Variants in CALN1 observed in about 807,000 individuals in gnomAD.
CALN1 encodes the protein calneuron 1.
In CALN1, 17 loss-of-function variants were observed where a neutral mutation model predicts 30.6. The observed-to-expected ratio is 0.56, with a 90% confidence interval of 0.38 to 0.83. CALN1 has a LOEUF of 0.83. Ranked by LOEUF, CALN1 falls within the 40% of genes least tolerant of loss-of-function variation. The pLI, the probability that CALN1 is intolerant of heterozygous loss-of-function variation, is 0.00. For synonymous variants in CALN1, 156 were observed against 131.4 expected (o/e 1.19, Z -1.28); for missense variants, 291 against 354.9 (o/e 0.82, Z 1.45).
chr7:72,277,485 A>C (rs917956745), intron 3 of CALN1, among the ~76,000 whole-genome samples: 2 of 152,158 alleles, frequency 1.3e-5, no homozygotes, highest in Admixed American at 6.5e-5. Context: ...ATCCCTAGGA[A>C]TCTTGATTCT....
At chr7:71,846,862 G>GTATGTATATATAATATATACACACATA (rs71092923) in intron 5 of CALN1, among the ~76,000 whole-genome samples, 4,401 of 141,116 alleles carry the variant, frequency 0.031, 106 homozygotes, top group Non-Finnish European at 0.054. Flanking sequence ...ATGTATATAT[G>GTATGTATATATAATATATACACACATA]TATGTATATA....
At chr7:72,281,202 C>T (rs917068884) in intron 2 of CALN1, among the ~76,000 whole-genome samples, 1 of 152,014 alleles carries the variant, frequency 6.6e-6, no homozygotes, top group African/African-American at 2.4e-5. Flanking sequence ...CTCTAACACT[C>T]ATGCTCTCTT....
intron 2 of CALN1, among the ~76,000 whole-genome samples, chr7:72,390,350 GA>G (rs1206527054): frequency 6.6e-6 from 1 of 152,092 alleles, no homozygotes; most frequent in Non-Finnish European, 1.5e-5. Context: ...AGAATCACTT[GA>G]ACCTGGGAGG....
intron 5 of CALN1, among the ~76,000 whole-genome samples, chr7:71,933,654 G>A (rs911342059): frequency 6.6e-6 from 1 of 152,114 alleles, no homozygotes; most frequent in Non-Finnish European, 1.5e-5. Flanking sequence ...TGAATCCTTG[G>A]TGCCAGGCAG....
intron 2 of CALN1, among the ~76,000 whole-genome samples, chr7:72,280,077 C>CT (rs1797631423): frequency 6.6e-6 from 1 of 152,206 alleles, no homozygotes; most frequent in Non-Finnish European, 1.5e-5. Context: ...TTCCATTAAG[C>CT]AGACCCAGCT....
chr7:72,437,658 T>TTTTC lies in CALN1; in HGVS notation c.-226+9380_-226+9383dup, dbSNP rs10653402. 5.8e-3 allele frequency among the ~76,000 whole-genome samples: 821 copies of TTTTC among 140,916 alleles called. 8 individuals are homozygous for TTTTC. Among genetic ancestry groups the TTTTC allele is most frequent in the African/African-American group, 0.019 (693 of 37,304 alleles). 92.4% of individuals were successfully genotyped at this position (140,916 alleles called of 152,430 possible). A position where few individuals can be genotyped will look rare whatever the true frequency, so the allele number is the denominator to read the frequency against. ...TTCTTTCTCTTTCTCTCTTTCTTTC[T>TTTTC]TTTCTTTCTTTCTTTCCTTTTTTCT... On this transcript the variant is annotated intron_variant, in intron 1 of 6. Transcript: ENST00000395276.
rs533503412 is a variant in CALN1, at chr7:72,419,547, A to C, written c.-225-7272T>G. Among the ~76,000 whole-genome samples, 7 of 152,182 alleles carry C rather than the reference A, an allele frequency of 4.6e-5. No homozygotes were observed. The East Asian group carries it at 1.4e-3, about 30-fold the overall frequency. The stretch of plus-strand genomic sequence containing the variant: ...GTGTCCCAGAAACCCCACTTCTCCC[A>C]GTTGGCCTTAGAGTCATCCTGATAT... On this transcript the variant is annotated intron_variant, in intron 1 of 6. Transcript: ENST00000395276.
the CALN1 span, among the ~76,000 whole-genome samples, chr7:72,470,259 T>C: frequency 1.3e-5 from 2 of 152,218 alleles, no homozygotes; most frequent in South Asian, 2.1e-4. Flanking sequence ...AGAGCCCAGA[T>C]GAAGTCAGGT....
Position 71,786,302 on chromosome 7 carries a change from C to T in CALN1, c.*1473G>A, listed in dbSNP as rs1283237834. The T allele has an allele frequency of 6.6e-6, 1 of 152,132 alleles. No homozygotes were observed. The highest frequency in any genetic ancestry group is 1.5e-5 in the Non-Finnish European group (1 of 68,028). The allele number at this position is 152,132 out of a possible 1,614,324, so 9.4% of individuals were successfully genotyped here. A position where few individuals can be genotyped will look rare whatever the true frequency, so the allele number is the denominator to read the frequency against. On this transcript the variant is annotated 3_prime_UTR_variant, in exon 7 of 7. Coordinates refer to ENST00000395275, the MANE Select transcript of CALN1 (RefSeq NM_031468.4). The stretch of plus-strand genomic sequence containing the variant: ...AGGATGTAATCAAAAGAAGTAGGAG[C>T]AAGGTAATTCCATTACAAAATAAAG...
intron 4 of CALN1, among the ~76,000 whole-genome samples, chr7:72,098,073 G>A (rs1442619085): frequency 6.6e-6 from 1 of 152,190 alleles, no homozygotes; most frequent in Admixed American, 6.5e-5. Context: ...CGATGCAGGG[G>A]ATGGAAGTCG....
chr7:72,287,387 T>C (rs956486221), intron 2 of CALN1, among the ~76,000 whole-genome samples: 2 of 151,926 alleles, frequency 1.3e-5, no homozygotes, highest in Non-Finnish European at 2.9e-5. Context: ...GTTCACTCTA[T>C]ATTGGATTTC....
At chr7:72,338,525 G>GTGTGTGTGTGTGTCTGTCTTTC in intron 2 of CALN1, among the ~76,000 whole-genome samples, 3 of 122,378 alleles carry the variant, frequency 2.5e-5, no homozygotes, top group African/African-American at 9.3e-5. Context: ...GTGTGTGTGT[G>GTGTGTGTGTGTGTCTGTCTTTC]TGTCTCACCT....
the CALN1 span, among the ~76,000 whole-genome samples, chr7:72,452,515 C>T: frequency 6.6e-6 from 1 of 152,152 alleles, no homozygotes; most frequent in African/African-American, 2.4e-5. Flanking sequence ...ACTCTCACCA[C>T]GTGATGCCTG....
intron 4 of CALN1, among the ~76,000 whole-genome samples, chr7:72,070,311 C>T (rs527602812): frequency 9.2e-5 from 14 of 152,260 alleles, no homozygotes; most frequent in African/African-American, 1.4e-4. Flanking sequence ...ACTAGGTCCT[C>T]GCTTTTACAT....
chr7:71,807,903 G>A (rs1370989972), intron 6 of CALN1, among the ~76,000 whole-genome samples: 2 of 152,072 alleles, frequency 1.3e-5, no homozygotes, highest in African/African-American at 2.4e-5. Flanking sequence ...GTGAAACCCC[G>A]TCTCTACTAA....
intron 5 of CALN1, among the ~76,000 whole-genome samples, chr7:71,836,418 C>T (rs1168434198): frequency 6.6e-6 from 1 of 152,114 alleles, no homozygotes; most frequent in Non-Finnish European, 1.5e-5. Context: ...AAAGACCTTG[C>T]ATCTCTGCAG....
chr7:71,946,601 A>G (rs1023578773), intron 5 of CALN1, among the ~76,000 whole-genome samples: 7 of 152,002 alleles, frequency 4.6e-5, no homozygotes, highest in Non-Finnish European at 1.5e-5. Context: ...GGCTCAAGCA[A>G]TCCTCCTGCG....
At chr7:72,062,375 G>T (rs1019708013) in intron 4 of CALN1, among the ~76,000 whole-genome samples, 1 of 151,932 alleles carries the variant, frequency 6.6e-6, no homozygotes, top group Non-Finnish European at 1.5e-5. Flanking sequence ...AGCTGGATGT[G>T]GTGGTGTATG....
At chr7:72,154,903 TTTA>T (rs1456567487) in intron 3 of CALN1, among the ~76,000 whole-genome samples, 1 of 151,494 alleles carries the variant, frequency 6.6e-6, no homozygotes, top group Non-Finnish European at 1.5e-5. Context: ...AATTTTTTTT[TTTA>T]ATTAGCTGGG....
Sources: gnomAD v4.1 joint callset for allele counts (sites outside exome capture counted in the v4.1 genomes callset) on GRCh38, gnomAD v4.1.1 for gene constraint, MANE v1.5 for transcripts, NCBI Gene and HGNC (gene_info 2026-07-23, HGNC 2026-07-21) for gene names.